The following BCAS3 variants were observed in gnomAD, a reference collection of about 807,000 sequenced individuals.
The protein encoded by BCAS3 is BCAS4/BCAS3 fusion.
A neutral mutation model predicts 116.1 loss-of-function variants in BCAS3; 53 were observed. The ratio of observed to expected loss-of-function variants is 0.46; its 90% CI spans 0.37 to 0.57. The LOEUF (loss-of-function observed/expected upper bound fraction) is 0.57, where lower values mean the gene tolerates loss of function less well. Ranked by LOEUF, BCAS3 falls within the 20% of genes least tolerant of loss-of-function variation. The pLI is 0.00. For missense variants in BCAS3, 917 were observed against 1,165.4 expected, an observed-to-expected ratio of 0.79 and a Z score of 3.10; for synonymous variants, 391 against 408.2, an observed-to-expected ratio of 0.96 and a Z score of 0.51.
intron 14 of BCAS3, among the ~76,000 whole-genome samples, chr17:60,965,507 C>T (rs555278520): frequency 6.6e-6 from 1 of 152,224 alleles, no homozygotes; most frequent in South Asian, 2.1e-4. Flanking sequence ...AGGCATGAGC[C>T]ACCACGCCCG....
At chr17:61,038,311 T>G (rs1281604464) in intron 18 of BCAS3, among the ~76,000 whole-genome samples, 1 of 148,684 alleles carries the variant, frequency 6.7e-6, no homozygotes, top group East Asian at 2.0e-4. Flanking sequence ...GGAGTCTCAC[T>G]CTGTCACCCA....
intron 5 of BCAS3, chr17:60,727,524 A>G (rs2144136787): frequency 1.5e-6 from 2 of 1,369,634 alleles, no homozygotes; most frequent in East Asian, 2.5e-5. Flanking sequence ...GAAAACGAGA[A>G]ATGGCATCTG....
chr17:60,957,309 T>C (rs1404110519), intron 14 of BCAS3, among the ~76,000 whole-genome samples: 1 of 152,212 alleles, frequency 6.6e-6, no homozygotes, highest in Non-Finnish European at 1.5e-5. Context: ...AGTTATTCAG[T>C]GTTATTAACT....
rs2055567298 is a variant in BCAS3, at chr17:61,324,500, G to A, written c.2426-43827G>A. On this transcript the variant is annotated intron_variant, in intron 22 of 23. Transcript: ENST00000407086. The surrounding 1 kb of genome is among the most constrained non-coding windows in gnomAD (Gnocchi z 4.6). ...CCAGTTCTAGTATATCCTGACTATG[G>A]TATATCTATATATATCCTGACCCCG... 6.6e-6 allele frequency among the ~76,000 whole-genome samples: 1 copy of A among 152,138 alleles called. No homozygotes were observed. The highest frequency in any genetic ancestry group is 1.5e-5 in the Non-Finnish European group (1 of 68,018).
chr17:60,987,353 A>AT (rs1004632452), intron 14 of BCAS3, among the ~76,000 whole-genome samples: 16 of 135,364 alleles, frequency 1.2e-4, no homozygotes, highest in East Asian at 6.4e-4. Context: ...ACATTTTAGG[A>AT]TTTTTTTTTC....
intron 22 of BCAS3, among the ~76,000 whole-genome samples, chr17:61,143,720 A>C (rs777557631): frequency 4.6e-5 from 7 of 152,180 alleles, no homozygotes; most frequent in Admixed American, 1.3e-4. Flanking sequence ...GAGGCAGGAG[A>C]ATCACTGAAA....
At chr17:60,705,334 C>G (rs774521166) in intron 4 of BCAS3, among the ~76,000 whole-genome samples, 2 of 152,060 alleles carry the variant, frequency 1.3e-5, no homozygotes, top group Non-Finnish European at 2.9e-5. Context: ...GCCTGGCCAA[C>G]ATGGCGAAAC....
intron 22 of BCAS3, among the ~76,000 whole-genome samples, chr17:61,178,488 G>A (rs1029140200): frequency 1.1e-4 from 16 of 152,052 alleles, no homozygotes; most frequent in African/African-American, 2.2e-4. Context: ...TATGAATATA[G>A]AGATGGGTCA....
At position 61,098,098 on chromosome 17, in the gene BCAS3, T is replaced by A. The variant is rs2074093789; in HGVS notation, c.2425+13534T>A. ...GACTGAAAATTCTTAATGTCACAGA[T>A]CCTTAAAAGCTGTCTCTGTTATCAT... On this transcript the variant is annotated intron_variant, in intron 22 of 23. Transcript: ENST00000407086. The surrounding 1 kb of genome is among the most constrained non-coding windows in gnomAD (Gnocchi z 4.2). Among the ~76,000 whole-genome samples, 2 of 152,196 alleles carry A rather than the reference T, an allele frequency of 1.3e-5. No homozygotes were observed. The highest frequency in any genetic ancestry group is 2.9e-5 in the Non-Finnish European group (2 of 68,042).
At chr17:61,345,317 C>T (rs891070961) in intron 22 of BCAS3, among the ~76,000 whole-genome samples, 1 of 152,156 alleles carries the variant, frequency 6.6e-6, no homozygotes, top group African/African-American at 2.4e-5. Flanking sequence ...GTCACTCCCG[C>T]CCTGGGTCAC....
chr17:60,741,533 C>G (rs768230444), intron 5 of BCAS3, among the ~76,000 whole-genome samples: 40 of 152,172 alleles, frequency 2.6e-4, no homozygotes, highest in Non-Finnish European at 5.4e-4. Flanking sequence ...TCCTTCAGGA[C>G]AAAAGTCTTA....
intron 13 of BCAS3, among the ~76,000 whole-genome samples, chr17:60,931,427 C>A (rs1448303327): frequency 1.3e-5 from 2 of 152,068 alleles, no homozygotes; most frequent in Non-Finnish European, 2.9e-5. Context: ...AGGCACGTGC[C>A]ACCACACCTT....
rs1230642568 is a variant in BCAS3 at position 60,961,645 on chromosome 17, C to A, written c.1221+14293C>A. 6.6e-6 allele frequency among the ~76,000 whole-genome samples: 1 copy of A among 151,884 alleles called. No homozygotes were observed. The highest frequency in any genetic ancestry group is 1.9e-4 in the East Asian group (1 of 5,192). ...TACATATAAAATTTACTATCTTTAC[C>A]ATTTTTAAGTGTACAGTTCAGTGGT... On this transcript the variant is annotated intron_variant, in intron 14 of 23. Coordinates refer to ENST00000407086, the MANE Select transcript of BCAS3 (RefSeq NM_017679.5). This position sits in a 1 kb window ranked among gnomAD's most constrained non-coding sequence, Gnocchi z 4.8.
At chr17:61,075,064 G>A (rs758013115) in intron 20 of BCAS3, 44 bp downstream of exon 20, 39 of 1,452,464 alleles carry the variant, frequency 2.7e-5, no homozygotes, top group Non-Finnish European at 3.4e-5. Context: ...AAATAAAACA[G>A]AAATTTACTG....
chr17:60,891,847 A>G, intron 10 of BCAS3: 1 of 423,648 alleles, frequency 2.4e-6, no homozygotes, highest in Non-Finnish European at 4.7e-6. Flanking sequence ...TTCCATTTTC[A>G]TCATCATGTG....
intron 7 of BCAS3, among the ~76,000 whole-genome samples, chr17:60,860,018 A>G (rs866925129): frequency 1.3e-5 from 2 of 152,198 alleles, no homozygotes; most frequent in African/African-American, 2.4e-5. Context: ...TATATATCCA[A>G]TAATGGGATT....
chr17:60,706,954 G>A (rs973611361), intron 4 of BCAS3, among the ~76,000 whole-genome samples: 2 of 151,584 alleles, frequency 1.3e-5, no homozygotes, highest in South Asian at 4.2e-4. Context: ...AACTGAGACT[G>A]CAGGTGCTTT....
intron 22 of BCAS3, among the ~76,000 whole-genome samples, chr17:61,193,847 T>A (rs1568549184): frequency 6.6e-6 from 1 of 150,514 alleles, no homozygotes; most frequent in African/African-American, 2.5e-5. Flanking sequence ...CCGGGCGTGG[T>A]GGCTCACACC....
chr17:60,871,858 G>C (rs1397654573), intron 8 of BCAS3, among the ~76,000 whole-genome samples: 2 of 151,172 alleles, frequency 1.3e-5, no homozygotes, highest in Non-Finnish European at 3.0e-5. Context: ...CTGTTTTTTT[G>C]TTTCATTCAT....
Sources: gnomAD v4.1 joint callset for allele counts (sites outside exome capture counted in the v4.1 genomes callset) on GRCh38, gnomAD v4.1.1 for gene constraint, Gnocchi (gnomAD v3.1) non-coding constraint, MANE v1.5 for transcripts, NCBI Gene and HGNC (gene_info 2026-07-23, HGNC 2026-07-21) for gene names.